HSD11B1: variants seen among roughly 807,000 people sequenced by gnomAD.
HSD11B1 encodes hydroxysteroid 11-beta dehydrogenase 1.
HSD11B1 carries 15 observed loss-of-function variants against 22.1 expected under a neutral mutation model. The ratio of observed to expected loss-of-function variants is 0.68; its 90% CI spans 0.45 to 1.04. The LOEUF is 1.04. Among genes scored for constraint, HSD11B1 ranks in the 50% least tolerant of loss-of-function variants. The probability of loss-of-function intolerance (pLI) is 0.00; values close to 1 mark genes in which losing one functional copy is unlikely to be tolerated. For missense variants in HSD11B1, 281 were observed against 357.6 expected, an observed-to-expected ratio of 0.79 and a Z score of 1.73; for synonymous variants, 122 against 125.2, an observed-to-expected ratio of 0.97 and a Z score of 0.17.
intron 4 of HSD11B1, among the ~76,000 whole-genome samples, chr1:209,720,117 G>C (rs997670205): frequency 6.6e-6 from 1 of 151,862 alleles, no homozygotes. Flanking sequence ...GGTTAAGATA[G>C]TTTTTTTTAA....
intron 4 of HSD11B1, among the ~76,000 whole-genome samples, chr1:209,728,253 ATTTG>A (rs1410750920): frequency 6.6e-6 from 1 of 152,132 alleles, no homozygotes; most frequent in Non-Finnish European, 1.5e-5. Flanking sequence ...TCTAATTTGA[ATTTG>A]TTTATTAGAA....
chr1:209,703,088 T>C (rs1168046841), upstream of HSD11B1, among the ~76,000 whole-genome samples: 1 of 152,256 alleles, frequency 6.6e-6, no homozygotes, highest in East Asian at 1.9e-4. Context: ...CTTTGTGTTC[T>C]ATTACTCTGC....
chr1:209,708,879 A>T (rs1388306195), intron 4 of HSD11B1, among the ~76,000 whole-genome samples: 2 of 152,178 alleles, frequency 1.3e-5, no homozygotes, highest in Non-Finnish European at 2.9e-5. Context: ...GAACTCTGGG[A>T]GGTAGGAAAT....
upstream of HSD11B1, among the ~76,000 whole-genome samples, chr1:209,703,970 A>C (rs1376147213): frequency 6.6e-6 from 1 of 152,126 alleles, no homozygotes; most frequent in Non-Finnish European, 1.5e-5. Context: ...TAAATTCTAA[A>C]TTGCTAAGGG....
At chr1:209,715,823 C>G (rs2076926319) in intron 4 of HSD11B1, among the ~76,000 whole-genome samples, 1 of 152,170 alleles carries the variant, frequency 6.6e-6, no homozygotes, top group African/African-American at 2.4e-5. Flanking sequence ...CAGGAAGCAA[C>G]AAAGGATGCT....
At chr1:209,713,518 T>C (rs1188027739) in intron 4 of HSD11B1, among the ~76,000 whole-genome samples, 3 of 152,236 alleles carry the variant, frequency 2.0e-5, no homozygotes, top group African/African-American at 7.2e-5. Context: ...AGAAATTATT[T>C]GCTTCTTGCT....
intron 1 of HSD11B1, among the ~76,000 whole-genome samples, chr1:209,692,099 C>T (rs960946284): frequency 1.7e-4 from 25 of 151,510 alleles, no homozygotes; most frequent in African/African-American, 5.3e-4. Flanking sequence ...AAGGAAATGG[C>T]TCAGTTATAA....
Position 209,705,911 on chromosome 1 carries a change from G to A in HSD11B1, c.189G>A (p.Val63=). Residue 63 remains valine, a synonymous_variant, in exon 2 of 6, where the codon GTG becomes GTA. Coordinates refer to ENST00000367027, the MANE Select transcript of HSD11B1 (RefSeq NM_005525.4). ...HLAKMGAHVV[V]TARSKETLQK... is the part of the protein sequence containing the mutation. ...CGAAGATGGGAGCCCATGTGGTGGT[G>A]ACAGCGAGGTCAAAAGAAACTCTAC... 6.2e-7 allele frequency: 1 copy of A among 1,613,986 alleles called. No individual in the cohort carries two copies.
In HSD11B1 at chr1:209,706,066, A is replaced by G; in HGVS notation, c.219+125A>G. On this transcript the variant is annotated intron_variant, in intron 2 of 5. Coordinates refer to ENST00000367027, the MANE Select transcript of HSD11B1 (RefSeq NM_005525.4). The surrounding 1 kb of genome is among the most constrained non-coding windows in gnomAD (Gnocchi z 4.0). ...TATACAGAGGCACATGCACACACAC[A>G]GACACTTAATTTTGCACTCTCATAT... 2 of 1,278,558 alleles carry G rather than the reference A, an allele frequency of 1.6e-6. No individual in the cohort carries two copies. Among genetic ancestry groups the G allele is most frequent in the Non-Finnish European group, 2.2e-6 (2 of 890,300 alleles). The allele number at this position is 1,278,558 out of a possible 1,614,324, so 79.2% of individuals were successfully genotyped here.
intron 4 of HSD11B1, among the ~76,000 whole-genome samples, chr1:209,719,075 C>G (rs1346306833): frequency 1.4e-5 from 2 of 145,420 alleles, no homozygotes; most frequent in Non-Finnish European, 3.0e-5. Context: ...CAAAGAGCTA[C>G]TTGTATATCC....
At chr1:209,692,854 A>G (rs953386299) in intron 1 of HSD11B1, among the ~76,000 whole-genome samples, 6 of 152,178 alleles carry the variant, frequency 3.9e-5, no homozygotes, top group Admixed American at 3.9e-4. Context: ...CAGATGATTC[A>G]TGGAGGTTTG....
chr1:209,694,569 T>C (rs2076779727), intron 1 of HSD11B1, among the ~76,000 whole-genome samples: 1 of 152,186 alleles, frequency 6.6e-6, no homozygotes, highest in Non-Finnish European at 1.5e-5. Context: ...GAAGAACTTG[T>C]AAAGCTGTAA....
At chr1:209,696,951 G>C (rs1053765539) in intron 1 of HSD11B1, among the ~76,000 whole-genome samples, 2 of 152,260 alleles carry the variant, frequency 1.3e-5, no homozygotes, top group Non-Finnish European at 2.9e-5. Context: ...AGCTGAAAGA[G>C]TGCAGAAGAT....
intron 4 of HSD11B1, among the ~76,000 whole-genome samples, chr1:209,717,024 G>A (rs1180002517): frequency 1.3e-5 from 2 of 152,032 alleles, no homozygotes; most frequent in Non-Finnish European, 2.9e-5. Flanking sequence ...GACCCCAAAA[G>A]CACAGGCAAA....
chr1:209,729,363 A>AACACACACATAC (rs2077021779), intron 4 of HSD11B1, among the ~76,000 whole-genome samples: 1 of 146,342 alleles, frequency 6.8e-6, no homozygotes, highest in East Asian at 2.0e-4. Flanking sequence ...TGCCTCGGAA[A>AACACACACATAC]ACACACACAC....
At chr1:209,710,240 A>G (rs2076886753) in intron 4 of HSD11B1, among the ~76,000 whole-genome samples, 1 of 152,204 alleles carries the variant, frequency 6.6e-6, no homozygotes, top group Non-Finnish European at 1.5e-5. Context: ...CAATATTAGA[A>G]AAGTAAAGTT....
At chr1:209,700,570 G>A (rs1227216612), upstream of HSD11B1, among the ~76,000 whole-genome samples, 1 of 152,182 alleles carries the variant, frequency 6.6e-6, no homozygotes, top group Non-Finnish European at 1.5e-5. Flanking sequence ...GACATGGCCT[G>A]GAGACATTTT....
upstream of HSD11B1, among the ~76,000 whole-genome samples, chr1:209,701,263 C>G (rs1311178668): frequency 6.6e-6 from 1 of 152,172 alleles, no homozygotes; most frequent in Non-Finnish European, 1.5e-5. Context: ...GCCTCAGAAT[C>G]ATGGCGGGAG....
chr1:209,686,956 G>A (rs1292172539), intron 1 of HSD11B1, among the ~76,000 whole-genome samples: 1 of 152,150 alleles, frequency 6.6e-6, no homozygotes, highest in African/African-American at 2.4e-5. Context: ...GACCCTCTGA[G>A]CCCTAAACGG....
Sources: gnomAD v4.1 joint callset for allele counts (sites outside exome capture counted in the v4.1 genomes callset) on GRCh38, gnomAD v4.1.1 for gene constraint, Gnocchi (gnomAD v3.1) non-coding constraint, MANE v1.5 for transcripts, NCBI Gene and HGNC (gene_info 2026-07-23, HGNC 2026-07-21) for gene names.